GNAO1: variants seen among roughly 807,000 people sequenced by gnomAD.
GNAO1 encodes the protein G protein subunit alpha o1.
For synonymous variants in GNAO1, 164 were observed against 180.7 expected (o/e 0.91, Z 0.74); for missense variants, 166 against 478.7 (o/e 0.35, Z 6.10).
chr16:56,280,954 C>G (rs1057244023), intron 3 of GNAO1, among the ~76,000 whole-genome samples: 1 of 152,010 alleles, frequency 6.6e-6, no homozygotes, highest in Non-Finnish European at 1.5e-5. Context: ...TGTTTCAGAG[C>G]CTTTATTGGA....
At chr16:56,305,760 A>G (rs1386294028) in intron 3 of GNAO1, among the ~76,000 whole-genome samples, 6 of 152,132 alleles carry the variant, frequency 3.9e-5, no homozygotes, top group African/African-American at 1.2e-4. Flanking sequence ...GGAGTCTGAG[A>G]TCAGGGTGCT....
At chr16:56,236,010 A>G (rs1363642292) in intron 2 of GNAO1, among the ~76,000 whole-genome samples, 2 of 152,228 alleles carry the variant, frequency 1.3e-5, no homozygotes, top group Non-Finnish European at 2.9e-5. Flanking sequence ...TCTTTGAGTC[A>G]TAGCCTATTT....
chr16:56,344,077 A>G, intron 6 of GNAO1: 2 of 1,482,126 alleles, frequency 1.3e-6, no homozygotes, highest in Non-Finnish European at 1.8e-6. Context: ...GCTGGCACCA[A>G]GGGAGGGAGG....
chr16:56,302,541 T>C (rs1169740688), intron 3 of GNAO1: 1 of 152,290 alleles, frequency 6.6e-6, no homozygotes, highest in Non-Finnish European at 1.5e-5. Context: ...CATCTGGCTA[T>C]ACACAGCAGC....
chr16:56,300,038 C>CGTGT (rs1173301226), intron 3 of GNAO1, among the ~76,000 whole-genome samples: 1 of 127,062 alleles, frequency 7.9e-6, no homozygotes, highest in African/African-American at 3.3e-5. Flanking sequence ...TGTGTGTGTG[C>CGTGT]GCGCGCGCGC....
At chr16:56,341,855 G>T (rs1161761158) in intron 6 of GNAO1, among the ~76,000 whole-genome samples, 1 of 152,242 alleles carries the variant, frequency 6.6e-6, no homozygotes, top group Non-Finnish European at 1.5e-5. Context: ...GTCCAGAGAA[G>T]TGAGTGGGAG....
intron 2 of GNAO1, among the ~76,000 whole-genome samples, chr16:56,210,566 C>T (rs570050495): frequency 6.6e-5 from 10 of 152,236 alleles, no homozygotes; most frequent in Admixed American, 1.3e-4. Context: ...TTGTCTGCAA[C>T]GTCACCAGCA....
chr16:56,237,922 G>T (rs1041495390), intron 2 of GNAO1, among the ~76,000 whole-genome samples: 1 of 152,204 alleles, frequency 6.6e-6, no homozygotes, highest in South Asian at 2.1e-4. Flanking sequence ...CACTTGTATA[G>T]TCTCATCTGT....
chr16:56,307,878 A>AT (rs1265680610), intron 3 of GNAO1: 1 of 152,278 alleles, frequency 6.6e-6, no homozygotes, highest in African/African-American at 2.4e-5. Flanking sequence ...CTGGTGGGCA[A>AT]GGGACCTTGG....
intron 2 of GNAO1, among the ~76,000 whole-genome samples, chr16:56,242,858 G>A (rs2036707432): frequency 6.6e-6 from 1 of 152,212 alleles, no homozygotes; most frequent in Non-Finnish European, 1.5e-5. Context: ...CTGGGCCACA[G>A]ACTGGTGGGA....
At chr16:56,279,503 G>A (rs1055561051) in intron 3 of GNAO1, among the ~76,000 whole-genome samples, 25 of 152,182 alleles carry the variant, frequency 1.6e-4, no homozygotes, top group African/African-American at 4.6e-4. Context: ...GCTGGGGTGT[G>A]CTCTCTGCCT....
At chr16:56,268,275 C>G (rs898816709) in intron 2 of GNAO1, among the ~76,000 whole-genome samples, 1 of 152,242 alleles carries the variant, frequency 6.6e-6, no homozygotes, top group Admixed American at 6.5e-5. Context: ...CAGGTGGCAG[C>G]CAGCACATCC....
chr16:56,313,634 GA>G (rs1200971575), intron 3 of GNAO1, among the ~76,000 whole-genome samples: 3 of 152,178 alleles, frequency 2.0e-5, no homozygotes, highest in Non-Finnish European at 2.9e-5. Flanking sequence ...AGCCTTTTCA[GA>G]TAATTATTCT....
intron 2 of GNAO1, among the ~76,000 whole-genome samples, chr16:56,265,667 C>A (rs1032909707): frequency 1.3e-5 from 2 of 152,056 alleles, no homozygotes; most frequent in East Asian, 1.9e-4. Context: ...CAAGAACAGG[C>A]CTTTCAGTCA....
chr16:56,240,444 T>C (rs1487492372), intron 2 of GNAO1, among the ~76,000 whole-genome samples: 1 of 152,178 alleles, frequency 6.6e-6, no homozygotes, highest in East Asian at 1.9e-4. Flanking sequence ...ATAGCAGTTT[T>C]CAACCACTTT....
Position 56,325,161 on chromosome 16 carries a change from G to A in GNAO1, c.304-3470G>A, listed in dbSNP as rs145971382. Among the ~76,000 whole-genome samples the A allele has an allele frequency of 5.1e-3, 774 of 152,270 alleles. 6 individuals are homozygous for A. The highest frequency in any genetic ancestry group is 0.018 in the African/African-American group (735 of 41,550). Reference sequence around the variant, plus strand: ...AGGGTTGGGAGTTGAAGGGGTTTGCGGCAGAAAAATTATCTAATAATAATA... The same window carrying A: ...AGGGTTGGGAGTTGAAGGGGTTTGCAGCAGAAAAATTATCTAATAATAATA... On this transcript the variant is annotated intron_variant, in intron 3 of 8. Coordinates refer to ENST00000262493, the MANE Select transcript of GNAO1 (RefSeq NM_020988.3).
At chr16:56,341,352 C>T (rs1337353869) in intron 6 of GNAO1, among the ~76,000 whole-genome samples, 1 of 152,210 alleles carries the variant, frequency 6.6e-6, no homozygotes, top group African/African-American at 2.4e-5. Flanking sequence ...GGTTTATGCC[C>T]CAGCTCCGCC....
At chr16:56,210,041 C>T (rs1567439318) in intron 2 of GNAO1, among the ~76,000 whole-genome samples, 1 of 152,148 alleles carries the variant, frequency 6.6e-6, no homozygotes, top group East Asian at 1.9e-4. Flanking sequence ...CTCTGTGCTC[C>T]ACCTGTTCTT....
At chr16:56,352,800 G>A (rs1567496913) in intron 7 of GNAO1, 1 of 152,342 alleles carries the variant, frequency 6.6e-6, no homozygotes, top group Non-Finnish European at 1.5e-5. Context: ...CAGAGCAGGA[G>A]GTGGGGCCAG....
Sources: gnomAD v4.1 joint callset for allele counts (sites outside exome capture counted in the v4.1 genomes callset) on GRCh38, gnomAD v4.1.1 for gene constraint, MANE v1.5 for transcripts, NCBI Gene and HGNC (gene_info 2026-07-23, HGNC 2026-07-21) for gene names.